Variants in ALX3 observed in about 807,000 individuals in gnomAD.
ALX3 encodes the protein ALX homeobox 3, also known as homeobox protein aristaless-like 3.
ALX3 carries 17 observed loss-of-function variants against 26.3 expected under a neutral mutation model. That is an observed-to-expected ratio of 0.65 (90% confidence interval 0.44 to 0.97). The LOEUF is 0.97. Ranked by LOEUF, ALX3 falls within the 50% of genes least tolerant of loss-of-function variation. The pLI, the probability that ALX3 is intolerant of heterozygous loss-of-function variation, is 0.00. For missense variants in ALX3, 461 were observed against 466.5 expected, an observed-to-expected ratio of 0.99 and a Z score of 0.11; for synonymous variants, 208 against 201.4, an observed-to-expected ratio of 1.03 and a Z score of -0.28.
intron 1 of ALX3, 120 bp downstream of exon 1, chr1:110,070,215 GA>G: frequency 1.8e-6 from 2 of 1,135,212 alleles, no homozygotes; most frequent in African/African-American, 1.6e-5. Context: ...CGAAAGGCGA[GA>G]GGGGCAAAAA....
At chr1:110,069,341 G>A (rs1653865016) in intron 1 of ALX3, among the ~76,000 whole-genome samples, 1 of 152,182 alleles carries the variant, frequency 6.6e-6, no homozygotes, top group Admixed American at 6.5e-5. Flanking sequence ...GCAGGGGGTT[G>A]AGGCGGATCT....
intron 1 of ALX3, among the ~76,000 whole-genome samples, chr1:110,068,338 T>C (rs1304150430): frequency 6.6e-6 from 1 of 152,192 alleles, no homozygotes; most frequent in East Asian, 1.9e-4. Context: ...TGTGCGGCCC[T>C]GGGGGCTGAC....
At chr1:110,061,868 C>T in intron 2 of ALX3, 1 of 447,162 alleles carries the variant, frequency 2.2e-6, no homozygotes. Context: ...ATCTGTGGGC[C>T]TCAGGGGCCC....
At chr1:110,068,625 C>T (rs1225512743) in intron 1 of ALX3, among the ~76,000 whole-genome samples, 2 of 152,236 alleles carry the variant, frequency 1.3e-5, no homozygotes, top group African/African-American at 4.8e-5. Flanking sequence ...TGCTCCCTCC[C>T]TCTTTGTCCT....
rs1653894266 is a variant in ALX3 at position 110,070,525 on chromosome 1, C to T, written c.88G>A (p.Gly30Arg). 7.8e-7 allele frequency: 1 copy of T among 1,286,220 alleles called. No individual in the cohort carries two copies. Among genetic ancestry groups the T allele is most frequent in the South Asian group, 2.4e-5 (1 of 42,456 alleles). The allele number at this position is 1,286,220 out of a possible 1,614,324, so 79.7% of individuals were successfully genotyped here. ...AGGTGAGGCGCAGCGGCGGGGGTTC[C>T]CTGCGGGCCCGGAGGCTCGTCCCCC... The part of the protein sequence containing the change: ...ASGDEPPGPQ[G>R]TPAAAPHLHP... Residue 30 changes from glycine (G) to arginine (R), a missense_variant, in exon 1 of 4, where the codon GGA (glycine) becomes AGA (arginine). Gly to Arg is a moderately radical substitution (Grantham distance 125, BLOSUM62 -2). This residue lies in a region of ALX3 where 241 missense variants were observed against 206.1 expected (regional missense o/e 1.17). Transcript: ENST00000647563.
At position 110,064,920 on chromosome 1, in the gene ALX3, A is replaced by C; in HGVS notation, c.278-17T>G. 1 of 1,587,464 alleles carries C rather than the reference A, an allele frequency of 6.3e-7. No individual in the cohort carries two copies. The highest frequency in any genetic ancestry group is 2.2e-5 in the East Asian group (1 of 44,604). On this transcript the variant is annotated splice_polypyrimidine_tract_variant and intron_variant, in intron 1 of 3. Transcript: ENST00000647563. ...TCTCCTCAGCTGCAATGGAGAACACAAAAGGGAGGATGGCAACTGAACCAG... is the reference window on the plus strand; with the variant it reads ...TCTCCTCAGCTGCAATGGAGAACACCAAAGGGAGGATGGCAACTGAACCAG...
intron 1 of ALX3, among the ~76,000 whole-genome samples, chr1:110,066,589 C>T (rs1387988788): frequency 9.1e-5 from 13 of 143,050 alleles, no homozygotes; most frequent in Non-Finnish European, 1.7e-4. Flanking sequence ...CCCCCGCCCC[C>T]GCCACCCCCA....
At chr1:110,070,092 C>T (rs1479574986) in intron 1 of ALX3, among the ~76,000 whole-genome samples, 3 of 152,136 alleles carry the variant, frequency 2.0e-5, no homozygotes, top group Non-Finnish European at 4.4e-5. Flanking sequence ...CACCTTCCCT[C>T]GACCTCCCGC....
chr1:110,067,114 T>C (rs186104809), intron 1 of ALX3, among the ~76,000 whole-genome samples: 3 of 152,164 alleles, frequency 2.0e-5, no homozygotes, highest in Non-Finnish European at 4.4e-5. Context: ...AGAGGGGCAC[T>C]CCTCAGAGAA....
chr1:110,066,911 G>A (rs559501847), intron 1 of ALX3, among the ~76,000 whole-genome samples: 2 of 152,350 alleles, frequency 1.3e-5, no homozygotes, highest in South Asian at 2.1e-4. Flanking sequence ...GGATGAAAGT[G>A]CAGTAGGACT....
At chr1:110,065,048 A>G in intron 1 of ALX3, 145 bp from the exon 2 acceptor site, 1 of 890,626 alleles carries the variant, frequency 1.1e-6, no homozygotes, top group Non-Finnish European at 1.7e-6. Context: ...GCCACCCTCC[A>G]TGGGAGCCTG....
In ALX3 at chr1:110,064,882, G is replaced by T. The variant is rs975515598; in HGVS notation, c.299C>A (p.Ala100Asp). The change falls in exon 2 of 4, where the codon GCT becomes GAT. Residue 100 changes from alanine (A) to aspartate (D), a missense_variant. This residue lies in a region of ALX3 where 241 missense variants were observed against 206.1 expected (regional missense o/e 1.17). Coordinates refer to ENST00000647563, the MANE Select transcript of ALX3 (RefSeq NM_006492.3). The part of the protein sequence containing the change: ...PAEAEEKTSK[A>D]ASFPQLPLDC... ...CAAGGGCAGCTGGGGGAAGCTGGCA[G>T]CTTTGGAGGTCTTCTCCTCAGCTGC... 8.7e-6 allele frequency: 14 copies of T among 1,609,122 alleles called. No individual in the cohort carries two copies. Among genetic ancestry groups the T allele is most frequent in the Non-Finnish European group, 1.2e-5 (14 of 1,177,636 alleles).
At chr1:110,061,889 C>G in intron 2 of ALX3, 1 of 394,086 alleles carries the variant, frequency 2.5e-6, no homozygotes, top group Non-Finnish European at 4.8e-6. Context: ...TAGGTACTTC[C>G]TGGGTATACT....
rs1037641773 is a variant in ALX3 at position 110,061,367 on chromosome 1, C to T, written c.723+68G>A. ...AACGCTGACGCTCTCCAGGTTTCTT[C>T]AGGCCAGACCTCATATTCTTTTTGG... On this transcript the variant is annotated intron_variant, in intron 3 of 3. Coordinates refer to ENST00000647563, the MANE Select transcript of ALX3 (RefSeq NM_006492.3). 4.7e-5 allele frequency: 76 copies of T among 1,611,798 alleles called. No homozygotes were observed. The African/African-American group carries it at 8.3e-4, about 18-fold the overall frequency.
At chr1:110,063,586 G>C (rs1653704603) in intron 2 of ALX3, among the ~76,000 whole-genome samples, 1 of 152,064 alleles carries the variant, frequency 6.6e-6, no homozygotes, top group African/African-American at 2.4e-5. Context: ...GCCCCATGCA[G>C]GGTGGGATAG....
At chr1:110,068,798 T>G (rs1653848566) in intron 1 of ALX3, among the ~76,000 whole-genome samples, 1 of 152,200 alleles carries the variant, frequency 6.6e-6, no homozygotes, top group Non-Finnish European at 1.5e-5. Flanking sequence ...CCTTCCCCTT[T>G]TCTTGGTTGT....
intron 1 of ALX3, among the ~76,000 whole-genome samples, chr1:110,068,666 G>A (rs913603181): frequency 6.6e-6 from 1 of 152,084 alleles, no homozygotes; most frequent in Admixed American, 6.5e-5. Flanking sequence ...CGTTTCGTTC[G>A]ATCTTGCTCC....
intron 1 of ALX3, among the ~76,000 whole-genome samples, chr1:110,066,332 A>AGCCTGTACACAG (rs1296706302): frequency 6.6e-6 from 1 of 152,202 alleles, no homozygotes; most frequent in East Asian, 1.9e-4. Flanking sequence ...GACCATGCCC[A>AGCCTGTACACAG]GCCTGTACAC....
chr1:110,070,447 G>T lies in ALX3; in HGVS notation c.166C>A (p.Pro56Thr), dbSNP rs757496737. ...PRLTRFPACG[P>T]LEPYLPEPAK... Reference sequence around the variant, plus strand: ...GGCTCTGGGAGGTAGGGCTCCAGGGGCCCGCAGGCCGGAAAGCGGGTCAGC... The same window carrying T: ...GGCTCTGGGAGGTAGGGCTCCAGGGTCCCGCAGGCCGGAAAGCGGGTCAGC... Residue 56 changes from proline (P) to threonine (T), a missense_variant, in exon 1 of 4, where the codon CCC becomes ACC. This residue lies in a region of ALX3 where 241 missense variants were observed against 206.1 expected (regional missense o/e 1.17). Transcript: ENST00000647563. 2 of 1,256,432 alleles carry T rather than the reference G, an allele frequency of 1.6e-6. No individual in the cohort carries two copies. Among genetic ancestry groups the T allele is most frequent in the Non-Finnish European group, 2.0e-6 (2 of 1,001,800 alleles). The allele number at this position is 1,256,432 out of a possible 1,614,324, so 77.8% of individuals were successfully genotyped here. A position where few individuals can be genotyped will look rare whatever the true frequency, so the allele number is the denominator to read the frequency against.
Sources: gnomAD v4.1 joint callset for allele counts (sites outside exome capture counted in the v4.1 genomes callset) on GRCh38, gnomAD v4.1.1 for gene constraint, gnomAD v4.1.1 regional missense constraint, MANE v1.5 for transcripts, NCBI Gene and HGNC (gene_info 2026-07-23, HGNC 2026-07-21) for gene names.